CCSER1: variants seen among roughly 807,000 people sequenced by gnomAD.
CCSER1 encodes the protein serine-rich coiled-coil domain-containing protein 1.
Under a neutral mutation model 82.0 loss-of-function variants are expected in CCSER1, and 41 were observed. The observed-to-expected ratio is 0.50, with a 90% CI of 0.39 to 0.65. The LOEUF (loss-of-function observed/expected upper bound fraction) is 0.65, where lower values mean the gene tolerates loss of function less well. Among genes scored for constraint, CCSER1 ranks in the 30% least tolerant of loss-of-function variants. The probability of loss-of-function intolerance (pLI) is 0.00; values close to 1 mark genes in which losing one functional copy is unlikely to be tolerated. For synonymous variants in CCSER1, 414 were observed against 383.9 expected, an observed-to-expected ratio of 1.08 and a Z score of -0.92; for missense variants, 1,119 against 1,064.2, an observed-to-expected ratio of 1.05 and a Z score of -0.72.
Position 90,539,970 on chromosome 4 carries a change from G to A in CCSER1, c.1724+71616G>A, listed in dbSNP as rs568958080. 8.6e-5 allele frequency among the ~76,000 whole-genome samples: 13 copies of A among 152,008 alleles called. 1 individual carries two copies. In the South Asian group the frequency reaches 2.7e-3, roughly 32 times the overall value. On this transcript the variant is annotated intron_variant, in intron 5 of 10. Transcript: ENST00000509176. ...AGAGACCCTTCTATTCTAAGAAAGG[G>A]GAATAAAAGCAAAAGCATGGAAATG...
At chr4:90,415,528 A>T (rs1755655960) in intron 4 of CCSER1, among the ~76,000 whole-genome samples, 1 of 152,370 alleles carries the variant, frequency 6.6e-6, no homozygotes, top group African/African-American at 2.4e-5. Context: ...GATATTAAGC[A>T]ATGTTATTTC....
At chr4:90,159,331 C>G (rs1270002908) in intron 1 of CCSER1, among the ~76,000 whole-genome samples, 2 of 152,254 alleles carry the variant, frequency 1.3e-5, no homozygotes, top group East Asian at 3.9e-4. Context: ...AGGCATGAAC[C>G]ACCATGCCTG....
chr4:90,313,696 A>G (rs1367404593), intron 3 of CCSER1, among the ~76,000 whole-genome samples: 1 of 152,080 alleles, frequency 6.6e-6, no homozygotes, highest in Non-Finnish European at 1.5e-5. Flanking sequence ...AGGCATTAGT[A>G]TGAAGCTCCC....
chr4:90,191,164 G>C (rs1735538743), intron 1 of CCSER1, among the ~76,000 whole-genome samples: 1 of 151,940 alleles, frequency 6.6e-6, no homozygotes, highest in Non-Finnish European at 1.5e-5. Flanking sequence ...GAAAGGGCTG[G>C]GCAAACCTTC....
intron 1 of CCSER1, among the ~76,000 whole-genome samples, chr4:90,195,137 G>C (rs1474792676): frequency 6.6e-6 from 1 of 152,074 alleles, no homozygotes; most frequent in Non-Finnish European, 1.5e-5. Context: ...TATTCACACA[G>C]AAACCTGTAC....
At chr4:91,257,914 G>C (rs1433452475) in intron 10 of CCSER1, among the ~76,000 whole-genome samples, 1 of 151,978 alleles carries the variant, frequency 6.6e-6, no homozygotes, top group South Asian at 2.1e-4. Flanking sequence ...AAATATTTGT[G>C]GGAAGAAAAG....
chr4:90,167,707 G>T (rs1458305964), intron 1 of CCSER1, among the ~76,000 whole-genome samples: 1 of 150,830 alleles, frequency 6.6e-6, no homozygotes, highest in Non-Finnish European at 1.5e-5. Flanking sequence ...TCCCACCTAT[G>T]AGTGAGAACA....
At chr4:90,841,037 A>G (rs1339287719) in intron 8 of CCSER1, among the ~76,000 whole-genome samples, 2 of 152,144 alleles carry the variant, frequency 1.3e-5, no homozygotes, top group Non-Finnish European at 2.9e-5. Context: ...TGAGATTTTT[A>G]CCTGTATTCT....
At chr4:90,316,338 A>T (rs916572058) in intron 3 of CCSER1, among the ~76,000 whole-genome samples, 1 of 152,206 alleles carries the variant, frequency 6.6e-6, no homozygotes, top group Non-Finnish European at 1.5e-5. Flanking sequence ...AAGTTGAGCC[A>T]TTTTTCAATT....
chr4:90,229,787 A>C (rs1246484767), intron 1 of CCSER1, among the ~76,000 whole-genome samples: 4 of 152,210 alleles, frequency 2.6e-5, no homozygotes, highest in Non-Finnish European at 5.9e-5. Context: ...TCTACGAAGC[A>C]AATGGAAAAC....
chr4:90,925,349 T>C (rs1232403228), intron 9 of CCSER1, among the ~76,000 whole-genome samples: 2 of 152,198 alleles, frequency 1.3e-5, no homozygotes, highest in Non-Finnish European at 2.9e-5. Flanking sequence ...GTAATGTGCT[T>C]GGAAAAGAGA....
intron 10 of CCSER1, among the ~76,000 whole-genome samples, chr4:91,161,645 AT>A (rs1389546817): frequency 6.6e-6 from 1 of 151,852 alleles, no homozygotes; most frequent in African/African-American, 2.4e-5. Flanking sequence ...ATTCCTAGGT[AT>A]TTTATTTTCT....
At chr4:90,254,612 A>C (rs1055132444) in intron 1 of CCSER1, among the ~76,000 whole-genome samples, 1 of 152,088 alleles carries the variant, frequency 6.6e-6, no homozygotes, top group African/African-American at 2.4e-5. Context: ...GCTGGTGATC[A>C]GCTCCTCCTG....
chr4:90,286,921 G>A (rs898061726), intron 1 of CCSER1, among the ~76,000 whole-genome samples: 1 of 151,934 alleles, frequency 6.6e-6, no homozygotes, highest in African/African-American at 2.4e-5. Flanking sequence ...ATGGCCTCAA[G>A]TGAATTAATC....
intron 1 of CCSER1, among the ~76,000 whole-genome samples, chr4:90,199,514 G>A (rs1462830598): frequency 6.6e-6 from 1 of 151,884 alleles, no homozygotes; most frequent in Non-Finnish European, 1.5e-5. Context: ...TTCCAACTCT[G>A]TAATAAAACA....
At chr4:91,585,514 A>G (rs1291888427) in intron 10 of CCSER1, among the ~76,000 whole-genome samples, 3 of 151,512 alleles carry the variant, frequency 2.0e-5, no homozygotes, top group African/African-American at 7.3e-5. Context: ...ATATGTATGT[A>G]TATACATACA....
chr4:91,463,053 TG>T (rs1157025766), intron 10 of CCSER1, among the ~76,000 whole-genome samples: 1 of 152,180 alleles, frequency 6.6e-6, no homozygotes, highest in Non-Finnish European at 1.5e-5. Context: ...ACGGACAGAC[TG>T]CCTCCTCAAG....
chr4:90,241,551 C>A (rs1746840695), intron 1 of CCSER1, among the ~76,000 whole-genome samples: 1 of 152,110 alleles, frequency 6.6e-6, no homozygotes. Context: ...TTTTGTTATA[C>A]ATCATTTATT....
At chr4:90,885,113 C>G (rs1029195165) in intron 8 of CCSER1, among the ~76,000 whole-genome samples, 2 of 152,058 alleles carry the variant, frequency 1.3e-5, no homozygotes, top group African/African-American at 4.8e-5. Context: ...CATTGAAAAA[C>G]TTATAGTAAG....
Sources: gnomAD v4.1 joint callset for allele counts (sites outside exome capture counted in the v4.1 genomes callset) on GRCh38, gnomAD v4.1.1 for gene constraint, MANE v1.5 for transcripts, NCBI Gene and HGNC (gene_info 2026-07-23, HGNC 2026-07-21) for gene names.